The following VSNL1 variants were observed in gnomAD, a reference collection of about 807,000 sequenced individuals.
VSNL1 encodes the protein visinin like 1.
In VSNL1, 6 loss-of-function variants were observed where a neutral mutation model predicts 20.4. That is an observed-to-expected ratio of 0.29 (90% CI 0.16 to 0.58). The LOEUF is 0.58. Ranked by LOEUF, VSNL1 falls within the 20% of genes least tolerant of loss-of-function variation. The pLI, the probability that VSNL1 is intolerant of heterozygous loss-of-function variation, is 0.90. For missense variants in VSNL1, 100 were observed against 234.5 expected (o/e 0.43, Z 3.75); for synonymous variants, 93 against 86.4 (o/e 1.08, Z -0.42).
chr2:17,590,018 C>G (rs1192959868), intron 1 of VSNL1, among the ~76,000 whole-genome samples: 1 of 152,122 alleles, frequency 6.6e-6, no homozygotes, highest in African/African-American at 2.4e-5. Context: ...TCCTATAGAT[C>G]CAGGTTCAAA....
chr2:17,552,825 T>C (rs1242372322), intron 1 of VSNL1, among the ~76,000 whole-genome samples: 1 of 152,222 alleles, frequency 6.6e-6, no homozygotes, highest in Non-Finnish European at 1.5e-5. Flanking sequence ...CCTGTTTATA[T>C]GAGACATGAC....
At chr2:17,574,999 A>T (rs62131543) in intron 1 of VSNL1, among the ~76,000 whole-genome samples, 5,024 of 150,836 alleles carry the variant, frequency 0.033, 89 homozygotes, top group East Asian at 0.098. Flanking sequence ...CTTCTTTTCT[A>T]TGTATTTTTT....
At chr2:17,568,079 T>G (rs1262512404) in intron 1 of VSNL1, among the ~76,000 whole-genome samples, 1 of 152,208 alleles carries the variant, frequency 6.6e-6, no homozygotes, top group Admixed American at 6.5e-5. Flanking sequence ...TCCATCTATC[T>G]TCTTATATTA....
chr2:17,580,941 T>C (rs1304102086), intron 1 of VSNL1, among the ~76,000 whole-genome samples: 2 of 152,222 alleles, frequency 1.3e-5, no homozygotes, highest in African/African-American at 2.4e-5. Context: ...ATGCCACCAT[T>C]ATACCACCAG....
intron 2 of VSNL1, among the ~76,000 whole-genome samples, chr2:17,643,096 T>G (rs1665917537): frequency 6.6e-6 from 1 of 152,142 alleles, no homozygotes; most frequent in Non-Finnish European, 1.5e-5. Context: ...TACCTTTGGC[T>G]TATCACATCT....
intron 1 of VSNL1, among the ~76,000 whole-genome samples, chr2:17,547,959 A>G (rs956602986): frequency 1.3e-5 from 2 of 152,042 alleles, no homozygotes; most frequent in South Asian, 2.1e-4. Flanking sequence ...TTGGTTAAAT[A>G]TTACACTGTG....
chr2:17,555,656 G>A (rs964347526), intron 1 of VSNL1, among the ~76,000 whole-genome samples: 1 of 152,118 alleles, frequency 6.6e-6, no homozygotes, highest in African/African-American at 2.4e-5. Context: ...ACTCATTTAT[G>A]TTTTAGTTTA....
At chr2:17,633,775 G>A (rs903637244) in intron 2 of VSNL1, among the ~76,000 whole-genome samples, 40 of 152,160 alleles carry the variant, frequency 2.6e-4, no homozygotes, top group Admixed American at 1.8e-3. Flanking sequence ...TCATTGCTCA[G>A]AGGGGAAGCC....
intron 1 of VSNL1, among the ~76,000 whole-genome samples, chr2:17,563,959 T>A (rs2103350431): frequency 6.6e-6 from 1 of 152,306 alleles, no homozygotes; most frequent in Non-Finnish European, 1.5e-5. Context: ...ATAGTCTTCT[T>A]AAAAATCAAT....
At chr2:17,585,696 C>T (rs1426489546) in intron 1 of VSNL1, among the ~76,000 whole-genome samples, 1 of 152,132 alleles carries the variant, frequency 6.6e-6, no homozygotes, top group African/African-American at 2.4e-5. Context: ...TCATCACCTT[C>T]CTGAGCCTCA....
At chr2:17,584,852 G>A (rs547846183) in intron 1 of VSNL1, among the ~76,000 whole-genome samples, 1 of 152,040 alleles carries the variant, frequency 6.6e-6, no homozygotes, top group South Asian at 2.1e-4. Context: ...ATACTAACTC[G>A]CTATGTTTTC....
chr2:17,575,063 A>C (rs1664173480), intron 1 of VSNL1, among the ~76,000 whole-genome samples: 2 of 152,230 alleles, frequency 1.3e-5, no homozygotes, highest in African/African-American at 4.8e-5. Flanking sequence ...TTCTGGACTC[A>C]AGCAATCCAC....
chr2:17,580,099 T>C (rs1197933566), intron 1 of VSNL1, among the ~76,000 whole-genome samples: 1 of 152,216 alleles, frequency 6.6e-6, no homozygotes, highest in Non-Finnish European at 1.5e-5. Context: ...TTATGTAAGA[T>C]GTGAGATAGG....
At chr2:17,636,396 G>A (rs1338471662) in intron 2 of VSNL1, among the ~76,000 whole-genome samples, 3 of 152,156 alleles carry the variant, frequency 2.0e-5, no homozygotes, top group African/African-American at 7.2e-5. Flanking sequence ...CTTGACCAGT[G>A]GATGCTCACA....
intron 1 of VSNL1, among the ~76,000 whole-genome samples, chr2:17,555,281 C>T (rs547100897): frequency 5.9e-5 from 9 of 152,230 alleles, no homozygotes; most frequent in South Asian, 4.1e-4. Context: ...CATTCCTTTC[C>T]GAACTGAAAA....
intron 2 of VSNL1, among the ~76,000 whole-genome samples, chr2:17,616,945 A>G (rs1469265086): frequency 6.6e-6 from 1 of 152,184 alleles, no homozygotes; most frequent in Non-Finnish European, 1.5e-5. Context: ...TGTAACACAG[A>G]GAATGGCCTC....
chr2:17,544,535 G>A (rs1437394555), intron 1 of VSNL1, among the ~76,000 whole-genome samples: 1 of 152,158 alleles, frequency 6.6e-6, no homozygotes, highest in Non-Finnish European at 1.5e-5. Flanking sequence ...TCTTGGGCAA[G>A]CTATAGATTT....
rs1419675335 is a variant in VSNL1, at chr2:17,628,945, G to A, written c.163-20465G>A. ...TTCCTGCCTCCCACATAGTTACCAA[G>A]CCTTAGGTCTCTCTGTGCTTCAAAA... is the stretch of plus-strand genomic sequence containing the variant. On this transcript the variant is annotated intron_variant, in intron 2 of 3. Coordinates refer to ENST00000295156, the MANE Select transcript of VSNL1 (RefSeq NM_003385.5). 3.3e-5 allele frequency among the ~76,000 whole-genome samples: 5 copies of A among 152,320 alleles called. No homozygotes were observed. In the East Asian group the frequency reaches 9.6e-4, roughly 29 times the overall value.
rs55756596 is a variant in VSNL1 at position 17,592,640 on chromosome 2, C to CTTTTTTTTTTTTTTTT, written c.162+428_162+443dup. Among the ~76,000 whole-genome samples the CTTTTTTTTTTTTTTTT allele has an allele frequency of 1.7e-4, 12 of 70,858 alleles. 1 individual carries two copies. Among genetic ancestry groups the CTTTTTTTTTTTTTTTT allele is most frequent in the African/African-American group, 5.4e-4 (11 of 20,352 alleles). The allele number at this position is 70,858 out of a possible 152,430, so 46.5% of individuals were successfully genotyped here. Reference sequence around the variant, plus strand: ...AAGAGGGCTTTTTCTCTCTCTCTCTCTTTTTTTTTTTTTTTTTTTTTTTTT... The same window carrying CTTTTTTTTTTTTTTTT: ...AAGAGGGCTTTTTCTCTCTCTCTCTCTTTTTTTTTTTTTTTTTTTTTTTTTTTTTTTTTTTTTTTTT... On this transcript the variant is annotated intron_variant, in intron 2 of 3. Transcript: ENST00000295156.
Sources: allele counts gnomAD v4.1 joint callset (sites outside exome capture counted in the v4.1 genomes callset), GRCh38; gene constraint gnomAD v4.1.1; transcripts MANE v1.5; gene names NCBI Gene and HGNC (gene_info 2026-07-23, HGNC 2026-07-21).